TBC1D9: variants seen among roughly 807,000 people sequenced by gnomAD.
The protein encoded by TBC1D9 is TBC1 domain family member 9A.
A neutral mutation model predicts 132.0 loss-of-function variants in TBC1D9; 63 were observed. The ratio of observed to expected loss-of-function variants is 0.48; its 90% CI spans 0.39 to 0.59. The LOEUF (loss-of-function observed/expected upper bound fraction) is 0.59. Among genes scored for constraint, TBC1D9 ranks in the 20% least tolerant of loss-of-function variants. TBC1D9 has a pLI of 0.00. For missense variants in TBC1D9, 1,261 were observed against 1,592.7 expected (o/e 0.79, Z 3.54); for synonymous variants, 610 against 609.9 (o/e 1.00, Z 0.00).
At chr4:140,649,398 C>A (rs973956213) in intron 13 of TBC1D9, among the ~76,000 whole-genome samples, 1 of 152,194 alleles carries the variant, frequency 6.6e-6, no homozygotes, top group African/African-American at 2.4e-5. Context: ...GAATGGGGTT[C>A]ACTACTGTTA....
At chr4:140,717,302 G>C (rs1247837409) in intron 1 of TBC1D9, among the ~76,000 whole-genome samples, 1 of 152,162 alleles carries the variant, frequency 6.6e-6, no homozygotes, top group African/African-American at 2.4e-5. Context: ...AAAGAGAGAG[G>C]GAGAGGGGAA....
At chr4:140,733,761 T>C (rs1400404860) in intron 1 of TBC1D9, among the ~76,000 whole-genome samples, 2 of 152,216 alleles carry the variant, frequency 1.3e-5, no homozygotes, top group Non-Finnish European at 2.9e-5. Context: ...TAACTCTATA[T>C]GTGACATAAA....
intron 2 of TBC1D9, among the ~76,000 whole-genome samples, chr4:140,688,158 T>C (rs757628269): frequency 6.6e-6 from 1 of 152,122 alleles, no homozygotes; most frequent in African/African-American, 2.4e-5. Context: ...GAAGCATACA[T>C]TGCTCCTCTT....
At chr4:140,726,216 G>T (rs1738498771) in intron 1 of TBC1D9, among the ~76,000 whole-genome samples, 1 of 152,060 alleles carries the variant, frequency 6.6e-6, no homozygotes, top group Non-Finnish European at 1.5e-5. Flanking sequence ...TCAAACCTTG[G>T]AGGTGGAGGC....
intron 2 of TBC1D9, among the ~76,000 whole-genome samples, chr4:140,690,688 T>C (rs536190274): frequency 6.6e-6 from 1 of 152,212 alleles, no homozygotes; most frequent in Admixed American, 6.5e-5. Context: ...GTTTTGGAAG[T>C]TTCTTCTGGC....
At chr4:140,646,783 A>G (rs1737109080) in intron 13 of TBC1D9, among the ~76,000 whole-genome samples, 1 of 152,194 alleles carries the variant, frequency 6.6e-6, no homozygotes, top group Admixed American at 6.5e-5. Flanking sequence ...GTGGGTCTCA[A>G]CCTTACAAAA....
At position 140,662,046 on chromosome 4, in the gene TBC1D9, C is replaced by G. The variant is rs760385434; in HGVS notation, c.1650G>C (p.Met550Ile). 1.2e-6 allele frequency: 2 copies of G among 1,613,980 alleles called. No homozygotes were observed. The highest frequency in any genetic ancestry group is 3.3e-5 in the Admixed American group (2 of 60,020). ...CCTCCGTGGCGAGATTATACTTCCC[C>G]ATGGACTTCTCCACTAGGTCTTCAT... The part of the protein sequence containing the change: ...GYYEDLVEKS[M>I]GKYNLATEEI... The change falls in exon 10 of 21, where the codon ATG becomes ATC. Residue 550 changes from methionine (M) to isoleucine (I), a missense_variant. Around this residue, in one of 3 missense-constraint regions of TBC1D9, gnomAD observed 550 missense variants for 699.0 expected, o/e 0.79. Coordinates refer to ENST00000442267, the MANE Select transcript of TBC1D9 (RefSeq NM_015130.3).
At chr4:140,708,192 A>T (rs1738177048) in intron 1 of TBC1D9, among the ~76,000 whole-genome samples, 1 of 152,222 alleles carries the variant, frequency 6.6e-6, no homozygotes, top group Non-Finnish European at 1.5e-5. Context: ...AGTTTCCAAT[A>T]TTATAAGTTC....
chr4:140,665,292 A>G (rs1737426725), intron 9 of TBC1D9, among the ~76,000 whole-genome samples: 1 of 152,186 alleles, frequency 6.6e-6, no homozygotes, highest in East Asian at 1.9e-4. Context: ...GATACCATCA[A>G]AGACAGTGAA....
At chr4:140,689,787 G>A (rs1219430398) in intron 2 of TBC1D9, among the ~76,000 whole-genome samples, 1 of 111,798 alleles carries the variant, frequency 8.9e-6, no homozygotes, top group African/African-American at 3.6e-5. Flanking sequence ...ACGCTCTGTT[G>A]CCCACACTAC....
chr4:140,681,402 C>T (rs528520339), intron 3 of TBC1D9, among the ~76,000 whole-genome samples: 12 of 152,290 alleles, frequency 7.9e-5, no homozygotes, highest in African/African-American at 2.6e-4. Flanking sequence ...GCAGACCTTT[C>T]ACCCTGTTGC....
intron 2 of TBC1D9, among the ~76,000 whole-genome samples, chr4:140,689,385 C>T (rs1364154826): frequency 2.6e-5 from 4 of 151,430 alleles, no homozygotes; most frequent in Non-Finnish European, 5.9e-5. Flanking sequence ...AGCTTCCCTT[C>T]CTCCTTCCTT....
At chr4:140,668,733 T>C (rs1019954075) in intron 9 of TBC1D9, among the ~76,000 whole-genome samples, 184 bp downstream of exon 9, 1 of 152,244 alleles carries the variant, frequency 6.6e-6, no homozygotes, top group African/African-American at 2.4e-5. Context: ...CTATGGGTCC[T>C]ATAGTTTTAC....
intron 10 of TBC1D9, among the ~76,000 whole-genome samples, chr4:140,660,343 A>T (rs1737337625): frequency 6.6e-6 from 1 of 152,258 alleles, no homozygotes. Context: ...AATTAAAAAG[A>T]GGAAGATCAA....
Position 140,628,199 on chromosome 4 carries a change from G to A in TBC1D9, c.2812+101C>T, listed in dbSNP as rs72945684. 335 of 913,254 alleles carry A rather than the reference G, an allele frequency of 3.7e-4. 2 individuals are homozygous for A. In the African/African-American group the frequency reaches 4.7e-3, roughly 13 times the overall value. The allele number at this position is 913,254 out of a possible 1,614,324, so 56.6% of individuals were successfully genotyped here. A position where few individuals can be genotyped will look rare whatever the true frequency, so the allele number is the denominator to read the frequency against. On this transcript the variant is annotated intron_variant, in intron 17 of 20. Transcript: ENST00000442267. ...TAGTTCTTAGTGACTCATGAATGAT[G>A]GTGTATATCAAAAAGAGGACGATCA...
intron 13 of TBC1D9, chr4:140,643,235 C>G (rs1454356700): frequency 1.4e-5 from 18 of 1,332,120 alleles, no homozygotes; most frequent in Non-Finnish European, 1.8e-5. Flanking sequence ...CCTTCTTGCT[C>G]CTCCTCTCCA....
At chr4:140,654,458 A>G (rs978467090) in intron 13 of TBC1D9, among the ~76,000 whole-genome samples, 46 of 114,172 alleles carry the variant, frequency 4.0e-4, no homozygotes, top group Admixed American at 2.8e-3. Context: ...AAAAAAGGAG[A>G]AAAAGAAGAA....
At chr4:140,711,182 G>A (rs1050007697) in intron 1 of TBC1D9, among the ~76,000 whole-genome samples, 3 of 152,178 alleles carry the variant, frequency 2.0e-5, no homozygotes, top group African/African-American at 4.8e-5. Context: ...CTCAAGTCCC[G>A]TAATAGGAAA....
chr4:140,733,887 TTTTTC>T (rs1424880594), intron 1 of TBC1D9, among the ~76,000 whole-genome samples: 1 of 152,018 alleles, frequency 6.6e-6, no homozygotes, highest in Non-Finnish European at 1.5e-5. Context: ...GTAAACAACA[TTTTTC>T]TTTTATTTTC....
Sources: gnomAD v4.1 joint callset for allele counts (sites outside exome capture counted in the v4.1 genomes callset) on GRCh38, gnomAD v4.1.1 for gene constraint, gnomAD v4.1.1 regional missense constraint, MANE v1.5 for transcripts, NCBI Gene and HGNC (gene_info 2026-07-23, HGNC 2026-07-21) for gene names.